The following NTRK2 variants were observed in gnomAD, a reference collection of about 807,000 sequenced individuals.
NTRK2 encodes the protein neurotrophic receptor tyrosine kinase 2, also known as BDNF/NT-3 growth factors receptor.
In NTRK2, 13 loss-of-function variants were observed where a neutral mutation model predicts 94.5. The ratio of observed to expected loss-of-function variants is 0.14; its 90% confidence interval spans 0.09 to 0.22. The LOEUF (loss-of-function observed/expected upper bound fraction) is 0.22. Ranked by LOEUF, NTRK2 falls within the 10% of genes least tolerant of loss-of-function variation. The pLI, the probability that NTRK2 is intolerant of heterozygous loss-of-function variation, is 1.00. For synonymous variants in NTRK2, 372 were observed against 407.4 expected, an observed-to-expected ratio of 0.91 and a Z score of 1.05; for missense variants, 639 against 1,071.2, an observed-to-expected ratio of 0.60 and a Z score of 5.63.
At chr9:84,989,324 GTTC>G (rs1828758164) in intron 17 of NTRK2, among the ~76,000 whole-genome samples, 1 of 151,886 alleles carries the variant, frequency 6.6e-6, no homozygotes, top group Non-Finnish European at 1.5e-5. Context: ...AAAATCATCC[GTTC>G]TTCATTTATT....
At chr9:84,917,952 G>C (rs2077445983) in intron 14 of NTRK2, among the ~76,000 whole-genome samples, 1 of 152,168 alleles carries the variant, frequency 6.6e-6, no homozygotes, top group South Asian at 2.1e-4. Flanking sequence ...GCAGCTGTCA[G>C]TGCAGCCTGT....
intron 9 of NTRK2, among the ~76,000 whole-genome samples, chr9:84,735,770 A>G (rs1279598162): frequency 2.6e-5 from 4 of 152,254 alleles, no homozygotes; most frequent in Admixed American, 6.5e-5. Flanking sequence ...AGACTTGTCT[A>G]AGATGAAATT....
intron 13 of NTRK2, among the ~76,000 whole-genome samples, chr9:84,864,579 C>A (rs1017380967): frequency 6.6e-6 from 1 of 152,172 alleles, no homozygotes; most frequent in African/African-American, 2.4e-5. Context: ...GAGAAACATG[C>A]AGCCTTGGCT....
intron 17 of NTRK2, among the ~76,000 whole-genome samples, chr9:84,979,142 TTA>T (rs1827268413): frequency 6.6e-6 from 1 of 152,244 alleles, no homozygotes; most frequent in South Asian, 2.1e-4. Flanking sequence ...CTTTCAAGTC[TTA>T]TGATTTAAGA....
intron 14 of NTRK2, among the ~76,000 whole-genome samples, chr9:84,910,247 C>T (rs184155548): frequency 6.6e-6 from 1 of 152,256 alleles, no homozygotes; most frequent in Non-Finnish European, 1.5e-5. Flanking sequence ...TGGCTTAAAA[C>T]AACAGAAACG....
chr9:84,774,444 T>C (rs1218886058), intron 12 of NTRK2, among the ~76,000 whole-genome samples: 2 of 152,216 alleles, frequency 1.3e-5, no homozygotes, highest in African/African-American at 4.8e-5. Flanking sequence ...TTGGTAGATG[T>C]CATTGACCCT....
intron 17 of NTRK2, among the ~76,000 whole-genome samples, chr9:84,973,428 A>G (rs1218535494): frequency 6.6e-6 from 1 of 152,160 alleles, no homozygotes; most frequent in Admixed American, 6.5e-5. Flanking sequence ...TGTGTCCTCA[A>G]ATACTCCTAC....
In NTRK2 at chr9:84,723,595, C is replaced by A; in HGVS notation, c.606C>A (p.Ala202=). 1 of 1,614,022 alleles carries A rather than the reference C, an allele frequency of 6.2e-7. No individual in the cohort carries two copies. The highest frequency in any genetic ancestry group is 8.5e-7 in the Non-Finnish European group (1 of 1,179,948). Residue 202 remains alanine, a synonymous_variant, in exon 7 of 19, where the codon GCC becomes GCA. Transcript: ENST00000277120. ...PNCGLPSANL[A]APNLTVEEGK... is the part of the protein sequence containing the mutation. ...TAGGTTTGCCATCTGCAAATCTGGCCGCACCTAACCTCACTGTGGAGGAAG... is the reference window on the plus strand; with the variant it reads ...TAGGTTTGCCATCTGCAAATCTGGCAGCACCTAACCTCACTGTGGAGGAAG...
chr9:84,944,695 T>C (rs1407462051), intron 15 of NTRK2, among the ~76,000 whole-genome samples: 3 of 152,240 alleles, frequency 2.0e-5, no homozygotes, highest in African/African-American at 4.8e-5. Context: ...GACAGTCCTC[T>C]GGGAAGAAGT....
chr9:84,823,630 C>G (rs2072993757), intron 12 of NTRK2, among the ~76,000 whole-genome samples: 2 of 152,200 alleles, frequency 1.3e-5, no homozygotes, highest in African/African-American at 4.8e-5. Flanking sequence ...GATAGGGCTG[C>G]CCCTAGCCCA....
At chr9:84,688,038 A>G (rs1360499808) in intron 2 of NTRK2, among the ~76,000 whole-genome samples, 4 of 152,134 alleles carry the variant, frequency 2.6e-5, no homozygotes, top group African/African-American at 9.7e-5. Context: ...GTGTGTGCAT[A>G]TCCATGGCTT....
chr9:84,965,987 G>C (rs1028363508), intron 17 of NTRK2, among the ~76,000 whole-genome samples: 1 of 152,096 alleles, frequency 6.6e-6, no homozygotes, highest in South Asian at 2.1e-4. Context: ...AAAACACCAG[G>C]GTTTCTCTTT....
At chr9:84,851,307 A>G (rs1026722001) in intron 12 of NTRK2, among the ~76,000 whole-genome samples, 2 of 152,234 alleles carry the variant, frequency 1.3e-5, no homozygotes, top group African/African-American at 2.4e-5. Context: ...AAGGAAAGAA[A>G]TGCAGTCTCA....
Position 85,021,702 on chromosome 9 carries a change from CTT to C in NTRK2, c.*274_*275del. On this transcript the variant is annotated 3_prime_UTR_variant, in exon 19 of 19. Coordinates refer to ENST00000277120, the MANE Select transcript of NTRK2 (RefSeq NM_006180.6). ...TTTTCTTTTTTTAAATTTTCTTTTTCTTTTTTTTTTCGTCTTCCCTGCTTCAC... is the reference window on the plus strand; with the variant it reads ...TTTTCTTTTTTTAAATTTTCTTTTTCTTTTTTTTCGTCTTCCCTGCTTCAC... 4.5e-6 allele frequency: 2 copies of C among 443,750 alleles called. No individual in the cohort carries two copies. Among genetic ancestry groups the C allele is most frequent in the Non-Finnish European group, 4.0e-6 (1 of 252,686 alleles). The allele number at this position is 443,750 out of a possible 1,614,324, so 27.5% of individuals were successfully genotyped here.
chr9:84,741,378 C>T (rs1393994063), intron 9 of NTRK2, among the ~76,000 whole-genome samples: 1 of 152,076 alleles, frequency 6.6e-6, no homozygotes, highest in African/African-American at 2.4e-5. Context: ...CTAGAAACTC[C>T]CCTGAAGATA....
At chr9:84,996,919 GTGGCTGTTTCA>G (rs1319824719) in intron 17 of NTRK2, among the ~76,000 whole-genome samples, 1 of 152,196 alleles carries the variant, frequency 6.6e-6, no homozygotes, top group Non-Finnish European at 1.5e-5. Context: ...CTTCCTTTCT[GTGGCTGTTTCA>G]TGGCTGTTTC....
Position 85,026,072 on chromosome 9 carries a change from GTATT to G in NTRK2, c.*4651_*4654del, listed in dbSNP as rs1203987715. The G allele has an allele frequency of 5.4e-5, 12 of 221,256 alleles. No individual in the cohort carries two copies. Among genetic ancestry groups the G allele is most frequent in the East Asian group, 3.2e-4 (5 of 15,464 alleles). The allele number at this position is 221,256 out of a possible 1,614,324, so 13.7% of individuals were successfully genotyped here. A position where few individuals can be genotyped will look rare whatever the true frequency, so the allele number is the denominator to read the frequency against. On this transcript the variant is annotated 3_prime_UTR_variant, in exon 19 of 19. Transcript: ENST00000277120. ...CTTTGACCTTTATTTATTTAATTAT[GTATT>G]TATTTATTTATTTATATACTTTTGC...
At chr9:84,956,227 T>C (rs902041821) in intron 17 of NTRK2, among the ~76,000 whole-genome samples, 5 of 152,194 alleles carry the variant, frequency 3.3e-5, no homozygotes, top group Non-Finnish European at 1.5e-5. Context: ...GAAAGCGGTT[T>C]AGCTTGGTGA....
intron 7 of NTRK2, among the ~76,000 whole-genome samples, 160 bp downstream of exon 7, chr9:84,723,869 T>C (rs2062246113): frequency 6.6e-6 from 1 of 152,196 alleles, no homozygotes; most frequent in Non-Finnish European, 1.5e-5. Flanking sequence ...TTATTCTTAA[T>C]TAATAAAGAC....
Sources: gnomAD v4.1 joint callset for allele counts (sites outside exome capture counted in the v4.1 genomes callset) on GRCh38, gnomAD v4.1.1 for gene constraint, MANE v1.5 for transcripts, NCBI Gene and HGNC (gene_info 2026-07-23, HGNC 2026-07-21) for gene names.